Variants in ITGB2 observed in about 807,000 individuals in gnomAD.
The protein encoded by ITGB2 is integrin subunit beta 2, also known as integrin beta-2.
Under a neutral mutation model 86.8 loss-of-function variants are expected in ITGB2, and 56 were observed. That is an observed-to-expected ratio of 0.65 (90% confidence interval 0.52 to 0.81). The LOEUF is 0.81. Ranked by LOEUF, ITGB2 falls within the 30% of genes least tolerant of loss-of-function variation. The pLI, the probability that ITGB2 is intolerant of heterozygous loss-of-function variation, is 0.00. For missense variants in ITGB2, 948 were observed against 1,061.2 expected, an observed-to-expected ratio of 0.89 and a Z score of 1.48; for synonymous variants, 457 against 450.4, an observed-to-expected ratio of 1.01 and a Z score of -0.19.
intron 4 of ITGB2, among the ~76,000 whole-genome samples, chr21:44,906,129 T>C (rs536882713): frequency 6.7e-6 from 1 of 150,234 alleles, no homozygotes; most frequent in Non-Finnish European, 1.5e-5. Flanking sequence ...GCTTCGTTTC[T>C]TCCCTCCCTT....
chr21:44,899,185 A>G (rs778673402), intron 7 of ITGB2, 23 bp from the exon 8 acceptor site: 4 of 1,580,106 alleles, frequency 2.5e-6, no homozygotes, highest in Admixed American at 3.4e-5. Flanking sequence ...GGTCCTGCTC[A>G]GTTGGCCCCG....
chr21:44,910,957 C>T (rs2084122745), intron 1 of ITGB2, 172 bp from the exon 2 acceptor site: 1 of 654,076 alleles, frequency 1.5e-6, no homozygotes, highest in Non-Finnish European at 2.7e-6. Flanking sequence ...TGCCAACAGC[C>T]AGGGAGGGAG....
At chr21:44,901,449 C>A in intron 6 of ITGB2, 43 bp downstream of exon 6, 2 of 1,606,246 alleles carry the variant, frequency 1.2e-6, no homozygotes, top group Non-Finnish European at 1.7e-6. Flanking sequence ...GAGCCCCCCA[C>A]ACTGGGGGAA....
At chr21:44,910,914 G>C (rs949478911) in intron 1 of ITGB2, 129 bp from the exon 2 acceptor site, 3 of 918,572 alleles carry the variant, frequency 3.3e-6, no homozygotes, top group African/African-American at 3.2e-5. Flanking sequence ...GGGTGGGTTA[G>C]GGTCAGGCCA....
chr21:44,889,560 C>T (rs1184436039), intron 12 of ITGB2, 65 bp from the exon 13 acceptor site: 3 of 1,417,846 alleles, frequency 2.1e-6, no homozygotes, highest in Non-Finnish European at 1.9e-6. Context: ...GCCCGAAACC[C>T]CACTGCGGTT....
Position 44,912,132 on chromosome 21 carries a change from C to A in ITGB2, c.-3-1347G>T, listed in dbSNP as rs573720475. Among the ~76,000 whole-genome samples, 3 of 152,344 alleles carry A rather than the reference C, an allele frequency of 2.0e-5. No individual in the cohort carries two copies. The East Asian group carries it at 5.8e-4, about 29-fold the overall frequency. On this transcript the variant is annotated intron_variant, in intron 1 of 15. Coordinates refer to ENST00000652462, the MANE Select transcript of ITGB2 (RefSeq NM_000211.5). ...CTCCAGCAAATGCCAGTTCCTGTCACGGCCTCCCAGGCTGCTGGGGCGTTC... is the reference window on the plus strand; with the variant it reads ...CTCCAGCAAATGCCAGTTCCTGTCAAGGCCTCCCAGGCTGCTGGGGCGTTC...
chr21:44,898,314 C>G (rs1283105857), intron 8 of ITGB2, among the ~76,000 whole-genome samples: 1 of 152,204 alleles, frequency 6.6e-6, no homozygotes, highest in African/African-American at 2.4e-5. Context: ...GGAGGGGACA[C>G]TGGGAGCTGG....
upstream of ITGB2, among the ~76,000 whole-genome samples, chr21:44,923,725 AGT>A (rs2084337833): frequency 6.6e-6 from 1 of 152,242 alleles, no homozygotes. Context: ...CACAGTACTA[AGT>A]GTCCTTAATG....
At chr21:44,913,990 A>AC (rs1306069141) in intron 1 of ITGB2, among the ~76,000 whole-genome samples, 1 of 151,300 alleles carries the variant, frequency 6.6e-6, no homozygotes, top group African/African-American at 2.4e-5. Context: ...GAGCACAGAC[A>AC]CCCCCCACCC....
intron 14 of ITGB2, among the ~76,000 whole-genome samples, chr21:44,887,144 A>G (rs1205195865): frequency 6.6e-6 from 1 of 152,174 alleles, no homozygotes; most frequent in East Asian, 1.9e-4. Context: ...ACCCCTGCTG[A>G]CAGAGAAGAA....
chr21:44,902,382 C>T lies in ITGB2; in HGVS notation c.500-649G>A, dbSNP rs192765796. On this transcript the variant is annotated intron_variant, in intron 5 of 15. Transcript: ENST00000652462. The stretch of plus-strand genomic sequence containing the variant: ...GCATTTGTGTGTGAGCGTGCATTCA[C>T]GTGTGTGAGCGTGCATTTGTGCATG... Among the ~76,000 whole-genome samples the T allele has an allele frequency of 3.3e-5, 5 of 150,536 alleles. No homozygotes were observed. The East Asian group carries it at 5.9e-4, about 18-fold the overall frequency.
intron 1 of ITGB2, chr21:44,911,486 A>G (rs2084132251): frequency 6.6e-6 from 1 of 152,562 alleles, no homozygotes; most frequent in Non-Finnish European, 1.5e-5. Flanking sequence ...CATAGCCAGG[A>G]AGAGAAAGCT....
intron 8 of ITGB2, among the ~76,000 whole-genome samples, chr21:44,898,536 A>G (rs990213117): frequency 2.6e-5 from 4 of 152,236 alleles, no homozygotes; most frequent in African/African-American, 9.6e-5. Flanking sequence ...GTCTTGACGC[A>G]CTGACCTGCT....
chr21:44,896,361 C>T (rs545538546), intron 8 of ITGB2, among the ~76,000 whole-genome samples: 1 of 152,348 alleles, frequency 6.6e-6, no homozygotes, highest in South Asian at 2.1e-4. Context: ...GGGTGTTAAA[C>T]AGCCCGGTGA....
At chr21:44,922,616 T>A, upstream of ITGB2, among the ~76,000 whole-genome samples, 1 of 138,914 alleles carries the variant, frequency 7.2e-6, no homozygotes, top group African/African-American at 2.7e-5. Flanking sequence ...GAGGCTACGG[T>A]GAACCATGCT....
chr21:44,892,375 T>A lies in ITGB2; in HGVS notation c.1225-379A>T, dbSNP rs567387630. On this transcript the variant is annotated intron_variant, in intron 10 of 15. Coordinates refer to ENST00000652462, the MANE Select transcript of ITGB2 (RefSeq NM_000211.5). ...CGGCTCACGCCTGTAATCCCAGCAC[T>A]GTGGGAGGCCGAGGCGGGTAGATCA... Among the ~76,000 whole-genome samples the A allele has an allele frequency of 1.6e-3, 157 of 96,410 alleles. 1 individual carries two copies. The highest frequency in any genetic ancestry group is 4.8e-3 in the African/African-American group (141 of 29,612). 63.2% of individuals were successfully genotyped at this position (96,410 alleles called of 152,430 possible). A position where few individuals can be genotyped will look rare whatever the true frequency, so the allele number is the denominator to read the frequency against.
At chr21:44,888,990 G>T in intron 13 of ITGB2, 95 bp from the exon 14 acceptor site, 1 of 1,166,132 alleles carries the variant, frequency 8.6e-7, no homozygotes, top group East Asian at 2.5e-5. Context: ...AGGGGGGGCA[G>T]GTGGGGTTGG....
chr21:44,889,857 C>T (rs2083759778), intron 12 of ITGB2, 121 bp downstream of exon 12: 1 of 1,424,560 alleles, frequency 7.0e-7, no homozygotes, highest in South Asian at 1.2e-5. Context: ...GCGAGACTTG[C>T]ACTGTCTGTC....
intron 7 of ITGB2, among the ~76,000 whole-genome samples, 165 bp from the exon 8 acceptor site, chr21:44,899,327 C>T (rs2083913675): frequency 6.6e-6 from 1 of 152,264 alleles, no homozygotes. Context: ...GGGCAGAGAG[C>T]TGCCACGCCC....
Sources: gnomAD v4.1 joint callset for allele counts (sites outside exome capture counted in the v4.1 genomes callset) on GRCh38, gnomAD v4.1.1 for gene constraint, MANE v1.5 for transcripts, NCBI Gene and HGNC (gene_info 2026-07-23, HGNC 2026-07-21) for gene names.